The following EIF4G3 variants were observed in gnomAD, a reference collection of about 807,000 sequenced individuals.
EIF4G3 encodes the protein eukaryotic translation initiation factor 4 gamma 3, also known as eIF-4-gamma 3.
A neutral mutation model predicts 186.4 loss-of-function variants in EIF4G3; 34 were observed. The observed-to-expected ratio is 0.18, with a 90% CI of 0.14 to 0.24. The LOEUF is 0.24. Among genes scored for constraint, EIF4G3 ranks in the 10% least tolerant of loss-of-function variants. EIF4G3 has a pLI of 1.00. For missense variants in EIF4G3, 1,536 were observed against 1,948.5 expected, an observed-to-expected ratio of 0.79 and a Z score of 3.99; for synonymous variants, 673 against 679.5, an observed-to-expected ratio of 0.99 and a Z score of 0.15.
chr1:20,851,263 T>C lies in EIF4G3; in HGVS notation c.3767A>G (p.Glu1256Gly). 2.5e-6 allele frequency: 4 copies of C among 1,614,102 alleles called. No individual in the cohort carries two copies. Among genetic ancestry groups the C allele is most frequent in the Non-Finnish European group, 3.4e-6 (4 of 1,180,008 alleles). Reference protein sequence around the residue: ...STEAERNKTRESAKPEISAMS... With the variant: ...STEAERNKTRGSAKPEISAMS... ...GTTTAAGCCAAGTCTCTCACCTGAC[T>C]CCCTTGTTTTATTTCGCTCAGCCTC... Residue 1256 changes from glutamate (E) to glycine (G), a missense_variant, in exon 28 of 37, where the codon GAG becomes GGG. This residue lies in a region of EIF4G3 where 395 missense variants were observed against 498.9 expected (regional missense o/e 0.79). Coordinates refer to ENST00000602326, the MANE Select transcript of EIF4G3 (RefSeq NM_001391906.1).
intron 25 of EIF4G3, 134 bp from the exon 26 acceptor site, chr1:20,855,205 A>G: frequency 1.6e-6 from 1 of 613,072 alleles, no homozygotes. Flanking sequence ...AATTTAATAG[A>G]AACAGAAATT....
At chr1:20,852,814 C>G (rs967126800) in intron 27 of EIF4G3, among the ~76,000 whole-genome samples, 1 of 152,062 alleles carries the variant, frequency 6.6e-6, no homozygotes, top group Non-Finnish European at 1.5e-5. Flanking sequence ...GCTAACTATA[C>G]TTTGTTTCAA....
chr1:21,111,167 C>A (rs572954537), intron 2 of EIF4G3, among the ~76,000 whole-genome samples: 1 of 152,166 alleles, frequency 6.6e-6, no homozygotes, highest in Non-Finnish European at 1.5e-5. Context: ...AATGTAAACA[C>A]AGGATACATT....
chr1:21,161,109 T>A (rs187978953), intron 2 of EIF4G3, among the ~76,000 whole-genome samples: 2 of 152,226 alleles, frequency 1.3e-5, no homozygotes, highest in African/African-American at 4.8e-5. Context: ...AGGCAGAGGC[T>A]GCAGTGAGCA....
intron 2 of EIF4G3, among the ~76,000 whole-genome samples, chr1:21,163,062 T>C (rs4269741): frequency 0.97 from 147,308 of 152,302 alleles, 71,432 homozygotes; most frequent in East Asian, 1. Flanking sequence ...TGGTGGCACC[T>C]TTCAAAGACA....
rs191206178 is a variant in EIF4G3, at chr1:21,131,975, A to C, written c.-271-42762T>G. ...AAACAGTGAGACACTGTCTCAAAAA[A>C]AAAATTTTTTTAATAATCAAAAAAA... On this transcript the variant is annotated intron_variant, in intron 2 of 36. Transcript: ENST00000602326. Among the ~76,000 whole-genome samples the C allele has an allele frequency of 2.0e-5, 3 of 152,300 alleles. No individual in the cohort carries two copies. In the East Asian group the frequency reaches 5.8e-4, roughly 29 times the overall value.
chr1:20,846,643 C>T (rs1327170447), intron 29 of EIF4G3, among the ~76,000 whole-genome samples: 2 of 152,194 alleles, frequency 1.3e-5, no homozygotes, highest in Non-Finnish European at 2.9e-5. Context: ...TCCATGGAAG[C>T]AGATTTTGTT....
intron 3 of EIF4G3, among the ~76,000 whole-genome samples, chr1:21,070,437 C>CA (rs2095408775): frequency 6.6e-6 from 1 of 152,126 alleles, no homozygotes; most frequent in South Asian, 2.1e-4. Flanking sequence ...AGCAACAACA[C>CA]AATAATAAAT....
rs2059606139 is a variant in EIF4G3 at position 20,813,205 on chromosome 1, G to A, written c.4550C>T (p.Thr1517Ile). 6 of 1,613,776 alleles carry A rather than the reference G, an allele frequency of 3.7e-6. No individual in the cohort carries two copies. The South Asian group carries it at 6.6e-5, about 18-fold the overall frequency. Residue 1517 changes from threonine (T) to isoleucine (I), a missense_variant, in exon 35 of 37, where the codon ACA becomes ATA. Thr to Ile is a moderately conservative substitution (Grantham distance 89, BLOSUM62 -1). Transcript: ENST00000602326. ...AGCAGTCATTAAAGCTCTAAGGAATGTAGGTGAACTCATCTGGATTTCGTC... is the reference window on the plus strand; with the variant it reads ...AGCAGTCATTAAAGCTCTAAGGAATATAGGTGAACTCATCTGGATTTCGTC... ...NLDEIQMSSP[T>I]FLRALMTAVC...
At chr1:20,885,063 A>G (rs1470893645) in intron 19 of EIF4G3, among the ~76,000 whole-genome samples, 2 of 152,160 alleles carry the variant, frequency 1.3e-5, no homozygotes, top group South Asian at 2.1e-4. Flanking sequence ...TTCCACTCCT[A>G]TGAGAATCTG....
intron 14 of EIF4G3, among the ~76,000 whole-genome samples, chr1:20,939,395 T>C (rs2095629728): frequency 6.6e-6 from 1 of 152,230 alleles, no homozygotes; most frequent in South Asian, 2.1e-4. Flanking sequence ...AAGGTGCTGG[T>C]GTTCACAATA....
Position 20,886,174 on chromosome 1 carries a change from AATGTTAGG to A in EIF4G3, c.2424+19_2424+26del. Reference sequence around the variant, plus strand: ...AACAAAATCAATATAATTTCAAAAGAATGTTAGGATATGCTTTTGTTCTCACCTGGGTT... The same window carrying A: ...AACAAAATCAATATAATTTCAAAAGAATATGCTTTTGTTCTCACCTGGGTT... On this transcript the variant is annotated intron_variant, in intron 19 of 36. Coordinates refer to ENST00000602326, the MANE Select transcript of EIF4G3 (RefSeq NM_001391906.1). 6.3e-7 allele frequency: 1 copy of A among 1,582,616 alleles called. No homozygotes were observed. The highest frequency in any genetic ancestry group is 8.6e-7 in the Non-Finnish European group (1 of 1,166,640).
chr1:21,082,605 C>T (rs1244101846), intron 3 of EIF4G3, among the ~76,000 whole-genome samples: 1 of 151,560 alleles, frequency 6.6e-6, no homozygotes, highest in Non-Finnish European at 1.5e-5. Context: ...AAAAAAACAA[C>T]AAAAAAGGGG....
chr1:20,837,753 ACTC>A (rs2067192004), intron 30 of EIF4G3, among the ~76,000 whole-genome samples: 1 of 152,064 alleles, frequency 6.6e-6, no homozygotes, highest in African/African-American at 2.4e-5. Flanking sequence ...ACCATTTATA[ACTC>A]AGGCTTTAGA....
intron 3 of EIF4G3, among the ~76,000 whole-genome samples, chr1:21,084,575 A>C (rs2095898654): frequency 2.0e-5 from 3 of 152,070 alleles, no homozygotes. Flanking sequence ...CAGTCCACAT[A>C]ATCTGATGTC....
At chr1:21,130,291 C>T (rs1222340888) in intron 2 of EIF4G3, among the ~76,000 whole-genome samples, 3 of 130,712 alleles carry the variant, frequency 2.3e-5, no homozygotes, top group African/African-American at 8.6e-5. Flanking sequence ...GTGGGGCAAT[C>T]TTGGCTCACT....
chr1:20,986,574 T>C (rs1403445410), intron 7 of EIF4G3, among the ~76,000 whole-genome samples: 1 of 151,318 alleles, frequency 6.6e-6, no homozygotes, highest in South Asian at 2.1e-4. Context: ...TGAAACCCCG[T>C]CTCCACTAAA....
At chr1:20,918,430 A>T (rs1164017971) in intron 14 of EIF4G3, among the ~76,000 whole-genome samples, 1 of 151,764 alleles carries the variant, frequency 6.6e-6, no homozygotes, top group Non-Finnish European at 1.5e-5. Flanking sequence ...CTGGTCTCGA[A>T]CTCCTGGCCT....
At position 20,869,305 on chromosome 1, in the gene EIF4G3, A is replaced by AT. The variant is rs1558004035; in HGVS notation, c.2623-4044_2623-4043insA. On this transcript the variant is annotated intron_variant, in intron 20 of 36. Transcript: ENST00000602326. ...GTTTCTAGAGGATAGTTTACTTTAA[A>AT]ATTTTTTTTTTTTTTTTTTTTTTTT... Among the ~76,000 whole-genome samples, 283 of 146,596 alleles carry AT rather than the reference A, an allele frequency of 1.9e-3. 2 individuals carry two copies. The East Asian group carries it at 0.047, about 24-fold the overall frequency.
Sources: gnomAD v4.1 joint callset for allele counts (sites outside exome capture counted in the v4.1 genomes callset) on GRCh38, gnomAD v4.1.1 for gene constraint, gnomAD v4.1.1 regional missense constraint, MANE v1.5 for transcripts, NCBI Gene and HGNC (gene_info 2026-07-23, HGNC 2026-07-21) for gene names.